ATAD2B: variants seen among roughly 807,000 people sequenced by gnomAD.
ATAD2B encodes ATPase family AAA domain containing 2B.
Under a neutral mutation model 167.6 loss-of-function variants are expected in ATAD2B, and 40 were observed. That is an observed-to-expected ratio of 0.24 (90% CI 0.19 to 0.31). The LOEUF (loss-of-function observed/expected upper bound fraction) is 0.31. ATAD2B is among the 10% of genes least tolerant of loss of function. The probability of loss-of-function intolerance (pLI) is 1.00; values close to 1 mark genes in which losing one functional copy is unlikely to be tolerated. For missense variants in ATAD2B, 1,242 were observed against 1,757.2 expected (o/e 0.71, Z 5.24); for synonymous variants, 579 against 596.5 (o/e 0.97, Z 0.43).
chr2:23,776,833 G>C (rs1243617993), intron 22 of ATAD2B, among the ~76,000 whole-genome samples: 1 of 152,132 alleles, frequency 6.6e-6, no homozygotes, highest in African/African-American at 2.4e-5. Context: ...TTTGATAAGT[G>C]TATTTATCAT....
the ATAD2B span, chr2:23,684,284 T>C: frequency 2.7e-6 from 2 of 747,786 alleles, no homozygotes. The surrounding 1 kb of genome is among the most constrained non-coding windows in gnomAD (Gnocchi z 4.4). Flanking sequence ...CAAGAAACAA[T>C]ATCAAGTATT....
intron 22 of ATAD2B, among the ~76,000 whole-genome samples, chr2:23,777,074 C>T (rs1679257575): frequency 2.0e-5 from 3 of 152,032 alleles, no homozygotes; most frequent in African/African-American, 7.2e-5. Context: ...TTTGGACACA[C>T]CAAGAAACAC....
chr2:23,710,493 C>T, the ATAD2B span, among the ~76,000 whole-genome samples: 2 of 152,302 alleles, frequency 1.3e-5, no homozygotes, highest in African/African-American at 4.8e-5. Context: ...ACCAAAACAA[C>T]GCTTTTAGAG....
intron 1 of ATAD2B, among the ~76,000 whole-genome samples, chr2:23,917,784 C>A (rs565062130): frequency 2.6e-5 from 4 of 151,604 alleles, no homozygotes; most frequent in Admixed American, 6.6e-5. Context: ...TATAGCCAGG[C>A]GCGGTGGCTC....
chr2:23,680,457 C>T, the ATAD2B span, among the ~76,000 whole-genome samples: 7 of 152,300 alleles, frequency 4.6e-5, no homozygotes, highest in African/African-American at 9.6e-5. The surrounding 1 kb of genome is among the most constrained non-coding windows in gnomAD (Gnocchi z 4.1). Flanking sequence ...GTCCCACAGA[C>T]GTAGGCGGGC....
intron 19 of ATAD2B, among the ~76,000 whole-genome samples, chr2:23,788,901 G>C (rs1681220542): frequency 6.6e-6 from 1 of 151,250 alleles, no homozygotes; most frequent in Non-Finnish European, 1.5e-5. Context: ...AGAGTCATCA[G>C]ATAATAGCAA....
At chr2:23,842,777 A>G (rs957779043) in intron 13 of ATAD2B, among the ~76,000 whole-genome samples, 2 of 152,232 alleles carry the variant, frequency 1.3e-5, no homozygotes, top group South Asian at 2.1e-4. Flanking sequence ...GAGCAGACTC[A>G]AAGGATCTAG....
chr2:23,888,281 C>A, intron 3 of ATAD2B, 69 bp downstream of exon 3: 1 of 1,093,582 alleles, frequency 9.1e-7, no homozygotes, highest in South Asian at 1.4e-5. Context: ...TCTATTTTTC[C>A]CCACTTTACT....
intron 20 of ATAD2B, among the ~76,000 whole-genome samples, 172 bp from the exon 21 acceptor site, chr2:23,786,395 G>C (rs1054685586): frequency 2.0e-5 from 3 of 152,020 alleles, no homozygotes; most frequent in Non-Finnish European, 2.9e-5. Flanking sequence ...GTCATTGTGT[G>C]AACATCATAA....
At chr2:23,696,355 G>A in the ATAD2B span, 48 of 1,551,474 alleles carry the variant, frequency 3.1e-5, no homozygotes, top group South Asian at 2.6e-4. This position sits in a 1 kb window ranked among gnomAD's most constrained non-coding sequence, Gnocchi z 5.5. Flanking sequence ...CAGGGGTGAC[G>A]CTGGCTGATG....
At chr2:23,722,892 A>C in the ATAD2B span, among the ~76,000 whole-genome samples, 3 of 152,358 alleles carry the variant, frequency 2.0e-5, no homozygotes, top group South Asian at 6.2e-4. Context: ...TCTTAGAAGA[A>C]ATCTTACAGG....
chr2:23,914,478 C>T (rs1163534832), intron 1 of ATAD2B, among the ~76,000 whole-genome samples: 3 of 152,024 alleles, frequency 2.0e-5, no homozygotes, highest in Non-Finnish European at 4.4e-5. Flanking sequence ...AAGAGTTACC[C>T]AAATAGTAAC....
chr2:23,882,878 T>C (rs186411680), intron 6 of ATAD2B, among the ~76,000 whole-genome samples: 3 of 150,244 alleles, frequency 2.0e-5, no homozygotes, highest in Non-Finnish European at 3.0e-5. Context: ...CCAAATGCAA[T>C]ATGTAACTTT....
chr2:23,880,147 G>A (rs1334357911), intron 7 of ATAD2B, among the ~76,000 whole-genome samples: 3 of 151,696 alleles, frequency 2.0e-5, no homozygotes, highest in Non-Finnish European at 4.4e-5. Context: ...ACAGTGTAAT[G>A]CAAAAGCATG....
At chr2:23,694,821 C>T in the ATAD2B span, among the ~76,000 whole-genome samples, 2 of 152,200 alleles carry the variant, frequency 1.3e-5, no homozygotes, top group African/African-American at 4.8e-5. Context: ...TGCAAAACCT[C>T]TTACTCCTGC....
chr2:23,686,465 A>G, the ATAD2B span, among the ~76,000 whole-genome samples: 1 of 151,986 alleles, frequency 6.6e-6, no homozygotes, highest in Admixed American at 6.6e-5. Flanking sequence ...AAATCAGGAA[A>G]TTGGTTCAAG....
chr2:23,748,489 A>C (rs1675036574), downstream of ATAD2B, among the ~76,000 whole-genome samples: 1 of 152,172 alleles, frequency 6.6e-6, no homozygotes, highest in Non-Finnish European at 1.5e-5. Flanking sequence ...CAACATAAAA[A>C]GCTTTCAGCT....
chr2:23,691,854 C>G, the ATAD2B span: 1 of 1,550,932 alleles, frequency 6.4e-7, no homozygotes, highest in Non-Finnish European at 8.7e-7. Flanking sequence ...ACACCTTCTG[C>G]AAAGTCTGCG....
At chr2:23,791,048 A>C (rs936413469) in intron 19 of ATAD2B, among the ~76,000 whole-genome samples, 1 of 152,216 alleles carries the variant, frequency 6.6e-6, no homozygotes, top group South Asian at 2.1e-4. Context: ...ATTTTGTATC[A>C]TACAACTGAC....
Sources: allele counts gnomAD v4.1 joint callset (sites outside exome capture counted in the v4.1 genomes callset), GRCh38; gene constraint gnomAD v4.1.1; non-coding constraint Gnocchi (gnomAD v3.1); transcripts MANE v1.5; gene names NCBI Gene and HGNC (gene_info 2026-07-23, HGNC 2026-07-21).